The following SMAD3 variants were observed in gnomAD, a reference collection of about 807,000 sequenced individuals.
SMAD3 encodes MAD homolog 3.
In SMAD3, 12 loss-of-function variants were observed where a neutral mutation model predicts 51.8. The ratio of observed to expected loss-of-function variants is 0.23; its 90% CI spans 0.15 to 0.38. SMAD3 has a LOEUF of 0.38. Among genes scored for constraint, SMAD3 ranks in the 10% least tolerant of loss-of-function variants. The probability of loss-of-function intolerance (pLI) is 1.00; values close to 1 mark genes in which losing one functional copy is unlikely to be tolerated. For synonymous variants in SMAD3, 238 were observed against 227.7 expected (o/e 1.05, Z -0.41); for missense variants, 294 against 565.6 (o/e 0.52, Z 4.87).
At chr15:67,104,097 G>T (rs1368065525) in intron 1 of SMAD3, among the ~76,000 whole-genome samples, 1 of 152,140 alleles carries the variant, frequency 6.6e-6, no homozygotes, top group African/African-American at 2.4e-5. Context: ...GCGCTCAAAG[G>T]CAGGAAGACA....
chr15:67,124,966 A>G (rs1961349299), intron 1 of SMAD3, among the ~76,000 whole-genome samples: 2 of 152,262 alleles, frequency 1.3e-5, no homozygotes, highest in South Asian at 4.1e-4. Flanking sequence ...TACATCAAGC[A>G]TATTTATTGA....
intron 1 of SMAD3, among the ~76,000 whole-genome samples, chr15:67,073,938 G>C (rs1387131947): frequency 1.3e-5 from 2 of 152,224 alleles, no homozygotes. Flanking sequence ...CTCCCAAAGT[G>C]CTGGGATTCC....
chr15:67,096,824 T>G (rs555242840), intron 1 of SMAD3, among the ~76,000 whole-genome samples: 63 of 152,272 alleles, frequency 4.1e-4, no homozygotes, highest in African/African-American at 1.5e-3. Flanking sequence ...CTAAGAAGCA[T>G]CATATAGGCA....
At chr15:67,099,547 G>T (rs1453568449) in intron 1 of SMAD3, among the ~76,000 whole-genome samples, 1 of 152,170 alleles carries the variant, frequency 6.6e-6, no homozygotes, top group African/African-American at 2.4e-5. Flanking sequence ...AGGTTTACTC[G>T]CCAGAGGTCC....
rs1298185618 is a variant in SMAD3 at position 67,074,775 on chromosome 15, C to T, written c.206+8415C>T. On this transcript the variant is annotated intron_variant, in intron 1 of 8. Transcript: ENST00000327367. The stretch of plus-strand genomic sequence containing the variant: ...CGTGATCTCAGCTCACTGCAACCTC[C>T]GCCTCCCAGGTTCAAGCAGTTCTCC... Among the ~76,000 whole-genome samples the T allele has an allele frequency of 5.3e-5, 8 of 152,254 alleles. No individual in the cohort carries two copies. In the South Asian group the frequency reaches 6.2e-4, roughly 12 times the overall value.
intron 1 of SMAD3, among the ~76,000 whole-genome samples, chr15:67,162,611 C>G (rs1171330688): frequency 1.3e-5 from 2 of 152,152 alleles, no homozygotes; most frequent in Non-Finnish European, 2.9e-5. Context: ...GCAGAGTACC[C>G]CTGCCTGCCT....
chr15:67,120,820 C>T (rs1440058690), intron 1 of SMAD3, among the ~76,000 whole-genome samples: 1 of 152,186 alleles, frequency 6.6e-6, no homozygotes, highest in Non-Finnish European at 1.5e-5. Context: ...TGCAGCCCAA[C>T]ACAAATTCAT....
At chr15:67,068,515 G>C (rs780830164) in intron 1 of SMAD3, among the ~76,000 whole-genome samples, 1 of 152,212 alleles carries the variant, frequency 6.6e-6, no homozygotes, top group Non-Finnish European at 1.5e-5. Flanking sequence ...GGAAGCCTAA[G>C]ACGTGTGAAC....
At chr15:67,123,433 A>C (rs1487976892) in intron 1 of SMAD3, among the ~76,000 whole-genome samples, 1 of 152,184 alleles carries the variant, frequency 6.6e-6, no homozygotes, top group African/African-American at 2.4e-5. Context: ...CAGGAGGAGG[A>C]GTTTGCAGTG....
At chr15:67,116,771 G>T (rs996965160) in intron 1 of SMAD3, among the ~76,000 whole-genome samples, 1 of 152,148 alleles carries the variant, frequency 6.6e-6, no homozygotes, top group Non-Finnish European at 1.5e-5. Context: ...GGTGATGGGG[G>T]TATCTGTTCT....
At chr15:67,094,096 G>A (rs1292688776) in intron 1 of SMAD3, among the ~76,000 whole-genome samples, 4 of 152,214 alleles carry the variant, frequency 2.6e-5, no homozygotes, top group Non-Finnish European at 5.9e-5. Flanking sequence ...CACCAATCCT[G>A]TGGAGGGGTC....
chr15:67,084,647 C>CA (rs1039741279), intron 1 of SMAD3, among the ~76,000 whole-genome samples: 4 of 152,154 alleles, frequency 2.6e-5, no homozygotes, highest in Non-Finnish European at 4.4e-5. Flanking sequence ...TGAGGATGGT[C>CA]ACACATAGCT....
intron 1 of SMAD3, among the ~76,000 whole-genome samples, chr15:67,154,517 A>C (rs962859082): frequency 4.6e-5 from 7 of 152,206 alleles, no homozygotes; most frequent in Admixed American, 1.3e-4. Context: ...TGAGACCTCA[A>C]TTATCTAGAA....
At chr15:67,160,247 A>C (rs961734321) in intron 1 of SMAD3, among the ~76,000 whole-genome samples, 2 of 152,262 alleles carry the variant, frequency 1.3e-5, no homozygotes, top group Admixed American at 1.3e-4. Flanking sequence ...GTACCATTTT[A>C]CATTTGCACC....
chr15:67,164,675 G>T (rs1334040346), intron 1 of SMAD3, among the ~76,000 whole-genome samples: 1 of 152,204 alleles, frequency 6.6e-6, no homozygotes, highest in Non-Finnish European at 1.5e-5. Context: ...GGTGAGGCCC[G>T]CTCTGCCAGC....
chr15:67,104,319 A>G (rs1960829737), intron 1 of SMAD3, among the ~76,000 whole-genome samples: 1 of 152,234 alleles, frequency 6.6e-6, no homozygotes, highest in Non-Finnish European at 1.5e-5. Flanking sequence ...GTCACTGTAT[A>G]CATCAAGTCA....
chr15:67,183,809 A>G (rs959466221), intron 6 of SMAD3, among the ~76,000 whole-genome samples: 5 of 152,206 alleles, frequency 3.3e-5, no homozygotes, highest in African/African-American at 1.2e-4. Flanking sequence ...GATTTAAGAG[A>G]TGAAAGAAAA....
chr15:67,132,159 AG>A (rs1350787658), intron 1 of SMAD3, among the ~76,000 whole-genome samples: 2 of 152,110 alleles, frequency 1.3e-5, no homozygotes, highest in Non-Finnish European at 2.9e-5. Flanking sequence ...CACTTTATAG[AG>A]GGGGAAACTG....
chr15:67,070,700 C>A (rs957362353), intron 1 of SMAD3, among the ~76,000 whole-genome samples: 1 of 150,046 alleles, frequency 6.7e-6, no homozygotes, highest in African/African-American at 2.5e-5. Flanking sequence ...TGGGGGCGGG[C>A]GTTGATGTGC....
Sources: allele counts gnomAD v4.1 joint callset (sites outside exome capture counted in the v4.1 genomes callset), GRCh38; gene constraint gnomAD v4.1.1; transcripts MANE v1.5; gene names NCBI Gene and HGNC (gene_info 2026-07-23, HGNC 2026-07-21).